IGSF3: variants seen among roughly 807,000 people sequenced by gnomAD.
IGSF3 encodes the protein glu-Trp-Ile EWI motif-containing protein 3.
Under a neutral mutation model 114.4 loss-of-function variants are expected in IGSF3, and 23 were observed. That is an observed-to-expected ratio of 0.20 (90% CI 0.14 to 0.28). The LOEUF (loss-of-function observed/expected upper bound fraction) is 0.28. Ranked by LOEUF, IGSF3 falls within the 10% of genes least tolerant of loss-of-function variation. The pLI is 1.00. For missense variants in IGSF3, 1,172 were observed against 1,591.5 expected, an observed-to-expected ratio of 0.74 and a Z score of 4.48; for synonymous variants, 571 against 645.2, an observed-to-expected ratio of 0.88 and a Z score of 1.74.
In IGSF3 at chr1:116,595,863, G is replaced by A. The variant is rs1312527042; in HGVS notation, c.2029+4078C>T. ...TTCACAATTAAAAGAGAAAAGAACT[G>A]ATTAAGAGCTAATAATCAAACATGT... On this transcript the variant is annotated intron_variant, in intron 7 of 10. Coordinates refer to ENST00000369486, the MANE Select transcript of IGSF3 (RefSeq NM_001007237.3). This position sits in a 1 kb window ranked among gnomAD's most constrained non-coding sequence, Gnocchi z 4.2. 1.3e-5 allele frequency among the ~76,000 whole-genome samples: 2 copies of A among 152,212 alleles called. No individual in the cohort carries two copies. Among genetic ancestry groups the A allele is most frequent in the African/African-American group, 4.8e-5 (2 of 41,466 alleles).
At chr1:116,639,607 C>T (rs982220012) in intron 2 of IGSF3, among the ~76,000 whole-genome samples, 1 of 152,232 alleles carries the variant, frequency 6.6e-6, no homozygotes, top group Non-Finnish European at 1.5e-5. Flanking sequence ...AATACAGTGC[C>T]ATTGCTTCTT....
rs1207474459 is a variant in IGSF3 at position 116,595,952 on chromosome 1, C to A, written c.2029+3989G>T. Among the ~76,000 whole-genome samples, 2 of 152,224 alleles carry A rather than the reference C, an allele frequency of 1.3e-5. No homozygotes were observed. The highest frequency in any genetic ancestry group is 2.9e-5 in the Non-Finnish European group (2 of 68,042). On this transcript the variant is annotated intron_variant, in intron 7 of 10. Coordinates refer to ENST00000369486, the MANE Select transcript of IGSF3 (RefSeq NM_001007237.3). This position sits in a 1 kb window ranked among gnomAD's most constrained non-coding sequence, Gnocchi z 4.2. ...GTCACACTATGTGATCAATGGGGAT[C>A]AGACTAAGCTAGATCAATGGCAACG...
rs1293565666 is a variant in IGSF3 at position 116,594,717 on chromosome 1, G to T, written c.2029+5224C>A. Among the ~76,000 whole-genome samples, 3 of 151,988 alleles carry T rather than the reference G, an allele frequency of 2.0e-5. No individual in the cohort carries two copies. Among genetic ancestry groups the T allele is most frequent in the African/African-American group, 4.8e-5 (2 of 41,358 alleles). On this transcript the variant is annotated intron_variant, in intron 7 of 10. Transcript: ENST00000369486. This position sits in a 1 kb window ranked among gnomAD's most constrained non-coding sequence, Gnocchi z 5.2. ...ACCCCATGCTCCCATGTACAAAAGG[G>T]ACTTCTTGATCCCTGCCAGCTTGCC...
At position 116,665,975 on chromosome 1, in the gene IGSF3, C is replaced by G. The variant is rs1487223799; in HGVS notation, c.43+309G>C. On this transcript the variant is annotated intron_variant, in intron 2 of 10. Coordinates refer to ENST00000369486, the MANE Select transcript of IGSF3 (RefSeq NM_001007237.3). The surrounding 1 kb of genome is among the most constrained non-coding windows in gnomAD (Gnocchi z 4.0). ...CATCCATGTTTGACATGCTACAAGA[C>G]AGCAGCCCACCAGCCATGTGAAGTC... Among the ~76,000 whole-genome samples, 2 of 152,188 alleles carry G rather than the reference C, an allele frequency of 1.3e-5. No homozygotes were observed. Among genetic ancestry groups the G allele is most frequent in the African/African-American group, 2.4e-5 (1 of 41,418 alleles).
chr1:116,658,322 G>A (rs1323697326), intron 2 of IGSF3, among the ~76,000 whole-genome samples: 1 of 152,156 alleles, frequency 6.6e-6, no homozygotes, highest in Non-Finnish European at 1.5e-5. Flanking sequence ...TTACAGGCAT[G>A]AGCCACCACG....
Position 116,594,110 on chromosome 1 carries a change from T to A in IGSF3, c.2030-5006A>T, listed in dbSNP as rs971407567. Among the ~76,000 whole-genome samples, 2 of 152,246 alleles carry A rather than the reference T, an allele frequency of 1.3e-5. No homozygotes were observed. The highest frequency in any genetic ancestry group is 4.8e-5 in the African/African-American group (2 of 41,468). On this transcript the variant is annotated intron_variant, in intron 7 of 10. Transcript: ENST00000369486. This position sits in a 1 kb window ranked among gnomAD's most constrained non-coding sequence, Gnocchi z 5.2. ...TGTTCAGAATTGTAGCAAGAGTTAC[T>A]CAGGACTTCAGAAACCCTGTCAGGA... is the stretch of plus-strand genomic sequence containing the variant.
Position 116,642,714 on chromosome 1 carries a change from G to A in IGSF3, c.43+23570C>T, listed in dbSNP as rs1648164770. Among the ~76,000 whole-genome samples, 2 of 152,242 alleles carry A rather than the reference G, an allele frequency of 1.3e-5. No individual in the cohort carries two copies. The highest frequency in any genetic ancestry group is 4.1e-4 in the South Asian group (2 of 4,838). On this transcript the variant is annotated intron_variant, in intron 2 of 10. Transcript: ENST00000369486. This position sits in a 1 kb window ranked among gnomAD's most constrained non-coding sequence, Gnocchi z 5.4. Reference sequence around the variant, plus strand: ...CTGAAGAGCTTGGCTGCCAGCAGGTGCAGCGCTGCCCTGGGATACCAGCTC... The same window carrying A: ...CTGAAGAGCTTGGCTGCCAGCAGGTACAGCGCTGCCCTGGGATACCAGCTC...
In IGSF3 at chr1:116,584,240, C is replaced by T. The variant is rs1016080163; in HGVS notation, c.2848+405G>A. Among the ~76,000 whole-genome samples, 1 of 151,950 alleles carries T rather than the reference C, an allele frequency of 6.6e-6. No homozygotes were observed. The highest frequency in any genetic ancestry group is 6.5e-5 in the Admixed American group (1 of 15,272). ...GAAGTGACAGAGTGAAGGCTGCACA[C>T]AATTCATTGTTTTCTATTTAAAGCA... On this transcript the variant is annotated intron_variant, in intron 9 of 10. Transcript: ENST00000369486. This position sits in a 1 kb window ranked among gnomAD's most constrained non-coding sequence, Gnocchi z 5.8.
chr1:116,578,725 G>T (rs910688857), intron 10 of IGSF3, among the ~76,000 whole-genome samples: 1 of 152,032 alleles, frequency 6.6e-6, no homozygotes, highest in Admixed American at 6.6e-5. Context: ...TCCACATTTT[G>T]ATGGCAAGCC....
chr1:116,588,848 C>T lies in IGSF3; in HGVS notation c.2286G>A (p.Gly762=). ...ARLQFERHVS[G]GLFSLTVQRA... is the part of the protein sequence containing the mutation. ...TCTGGACGGTGAGGCTGAACAGGCCCCCCGACACATGCCTCTCAAACTGGA... is the reference window on the plus strand; with the variant it reads ...TCTGGACGGTGAGGCTGAACAGGCCTCCCGACACATGCCTCTCAAACTGGA... Residue 762 remains glycine (G), a synonymous_variant, in exon 8 of 11, where the codon GGG becomes GGA. Transcript: ENST00000369486. The surrounding 1 kb of genome is among the most constrained non-coding windows in gnomAD (Gnocchi z 4.9). 1 of 1,614,236 alleles carries T rather than the reference C, an allele frequency of 6.2e-7. No homozygotes were observed. The highest frequency in any genetic ancestry group is 8.5e-7 in the Non-Finnish European group (1 of 1,180,036).
In IGSF3 at chr1:116,657,703, C is replaced by A. The variant is rs1377154522; in HGVS notation, c.43+8581G>T. Among the ~76,000 whole-genome samples the A allele has an allele frequency of 3.3e-5, 5 of 152,130 alleles. No individual in the cohort carries two copies. Among genetic ancestry groups the A allele is most frequent in the Non-Finnish European group, 7.3e-5 (5 of 68,034 alleles). ...GCCTCATGCCATGGCACCAGCGATG[C>A]CACAGGTGTACCCAGTGCCCTGCCG... On this transcript the variant is annotated intron_variant, in intron 2 of 10. Transcript: ENST00000369486. The surrounding 1 kb of genome is among the most constrained non-coding windows in gnomAD (Gnocchi z 4.2).
chr1:116,609,124 A>G (rs1190311275), intron 4 of IGSF3, among the ~76,000 whole-genome samples: 1 of 151,542 alleles, frequency 6.6e-6, no homozygotes, highest in Admixed American at 6.6e-5. Flanking sequence ...TTTCCCACTG[A>G]GTAAGTACTT....
At position 116,605,333 on chromosome 1, in the gene IGSF3, G is replaced by A. The variant is rs1186298219; in HGVS notation, c.1223-1308C>T. 1.3e-5 allele frequency among the ~76,000 whole-genome samples: 2 copies of A among 151,892 alleles called. No individual in the cohort carries two copies. The highest frequency in any genetic ancestry group is 4.8e-5 in the African/African-American group (2 of 41,334). On this transcript the variant is annotated intron_variant, in intron 5 of 10. Transcript: ENST00000369486. The surrounding 1 kb of genome is among the most constrained non-coding windows in gnomAD (Gnocchi z 5.1). The stretch of plus-strand genomic sequence containing the variant: ...CCCCAACAAGCAGAAACAAAGACGA[G>A]CACTGAGCCTCCACATGTAGCTCTT...
chr1:116,596,487 A>G lies in IGSF3; in HGVS notation c.2029+3454T>C, dbSNP rs1305366983. 6.6e-6 allele frequency among the ~76,000 whole-genome samples: 1 copy of G among 152,190 alleles called. No individual in the cohort carries two copies. Among genetic ancestry groups the G allele is most frequent in the Non-Finnish European group, 1.5e-5 (1 of 68,038 alleles). On this transcript the variant is annotated intron_variant, in intron 7 of 10. Coordinates refer to ENST00000369486, the MANE Select transcript of IGSF3 (RefSeq NM_001007237.3). This position sits in a 1 kb window ranked among gnomAD's most constrained non-coding sequence, Gnocchi z 4.1. ...AGCTGGAAGAATCAGGAGTTAAAAG[A>G]GGCACAAGATAAAACTTCTACACCA...
At chr1:116,656,530 T>C (rs1648859090) in intron 2 of IGSF3, among the ~76,000 whole-genome samples, 2 of 152,090 alleles carry the variant, frequency 1.3e-5, no homozygotes, top group Non-Finnish European at 1.5e-5. Flanking sequence ...GACCTTGTGA[T>C]CTGCCCACCT....
At chr1:116,609,830 T>C (rs1660944391) in intron 4 of IGSF3, among the ~76,000 whole-genome samples, 1 of 152,190 alleles carries the variant, frequency 6.6e-6, no homozygotes, top group Admixed American at 6.5e-5. Flanking sequence ...GAATCATGCA[T>C]AAGCAGCATC....
At chr1:116,641,534 A>G (rs2101054969) in intron 2 of IGSF3, among the ~76,000 whole-genome samples, 1 of 145,818 alleles carries the variant, frequency 6.9e-6, no homozygotes, top group African/African-American at 2.6e-5. Context: ...AAGAAAGAAA[A>G]GAAAAGAAAG....
At chr1:116,660,565 A>G (rs1445581555) in intron 2 of IGSF3, among the ~76,000 whole-genome samples, 1 of 147,380 alleles carries the variant, frequency 6.8e-6, no homozygotes, top group African/African-American at 2.5e-5. Context: ...GCTCATGGCA[A>G]CCTCCAGGTT....
rs1487566102 is a variant in IGSF3, at chr1:116,579,713, C to G, written c.3013G>C (p.Gly1005Arg). 1.9e-6 allele frequency: 3 copies of G among 1,612,628 alleles called. No homozygotes were observed. In the South Asian group the frequency reaches 3.3e-5, roughly 18 times the overall value. ...TKAGGKRSSP[G>R]LEEQEEEREE... The stretch of plus-strand genomic sequence containing the variant: ...CTTTCCTCTTCCTGTTCTTCCAGGC[C>G]AGGGCTGCTCCTTTTCCCCCCAGCT... The change falls in exon 10 of 11, where the codon GGC (glycine) becomes CGC (arginine). Residue 1005 changes from glycine to arginine, a missense_variant. By Grantham distance (125) the Gly-to-Arg change is moderately radical. This residue lies in a region of IGSF3 where 423 missense variants were observed against 509.8 expected (regional missense o/e 0.83). Coordinates refer to ENST00000369486, the MANE Select transcript of IGSF3 (RefSeq NM_001007237.3). The surrounding 1 kb of genome is among the most constrained non-coding windows in gnomAD (Gnocchi z 6.4).
Sources: gnomAD v4.1 joint callset for allele counts (sites outside exome capture counted in the v4.1 genomes callset) on GRCh38, gnomAD v4.1.1 for gene constraint, gnomAD v4.1.1 regional missense constraint, Gnocchi (gnomAD v3.1) non-coding constraint, MANE v1.5 for transcripts, NCBI Gene and HGNC (gene_info 2026-07-23, HGNC 2026-07-21) for gene names.